CUX2: variants seen among roughly 807,000 people sequenced by gnomAD.
The protein encoded by CUX2 is cut like homeobox 2.
A neutral mutation model predicts 144.8 loss-of-function variants in CUX2; 40 were observed. The observed-to-expected ratio is 0.28, with a 90% confidence interval of 0.21 to 0.36. The LOEUF is 0.36. Ranked by LOEUF, CUX2 falls within the 10% of genes least tolerant of loss-of-function variation. CUX2 has a pLI of 1.00. For synonymous variants in CUX2, 827 were observed against 875.6 expected, an observed-to-expected ratio of 0.94 and a Z score of 0.98; for missense variants, 1,615 against 1,994.0, an observed-to-expected ratio of 0.81 and a Z score of 3.62.
In CUX2 at chr12:111,098,463, T is replaced by C. The variant is rs116585992; in HGVS notation, c.63+64223T>C. ...GAGGAGCTGCTGCAGTCATCGGCCT[T>C]GGCACCGGGGATTCCCGGGTACAGG... On this transcript the variant is annotated intron_variant, in intron 1 of 21. Coordinates refer to ENST00000261726, the MANE Select transcript of CUX2 (RefSeq NM_015267.4). Among the ~76,000 whole-genome samples the C allele has an allele frequency of 9.0e-3, 1,359 of 151,726 alleles. 22 individuals carry two copies. The highest frequency in any genetic ancestry group is 0.031 in the African/African-American group (1,271 of 41,354).
In CUX2 at chr12:111,034,538, C is replaced by G. The variant is rs1869319174; in HGVS notation, c.63+298C>G. On this transcript the variant is annotated intron_variant, in intron 1 of 21. Transcript: ENST00000261726. The surrounding 1 kb of genome is among the most constrained non-coding windows in gnomAD (Gnocchi z 4.2). The stretch of plus-strand genomic sequence containing the variant: ...GCGGCCGGGCGAGGAGCGGGGAAGG[C>G]AGGGGCTACGGCCTCGGGCAGGGGG... Among the ~76,000 whole-genome samples, 2 of 151,580 alleles carry G rather than the reference C, an allele frequency of 1.3e-5. No individual in the cohort carries two copies. Among genetic ancestry groups the G allele is most frequent in the Non-Finnish European group, 2.9e-5 (2 of 67,830 alleles).
chr12:111,056,247 A>G (rs1218597449), intron 1 of CUX2, among the ~76,000 whole-genome samples: 1 of 152,330 alleles, frequency 6.6e-6, no homozygotes, highest in Non-Finnish European at 1.5e-5. Flanking sequence ...CGCAGCAGTC[A>G]TTTGTTGCTG....
At chr12:111,298,863 G>T (rs1886147318) in intron 9 of CUX2, among the ~76,000 whole-genome samples, 2 of 152,154 alleles carry the variant, frequency 1.3e-5, no homozygotes, top group Admixed American at 1.3e-4. Flanking sequence ...AGGCAGGAAG[G>T]GGCCGCTGAC....
At chr12:111,123,209 G>T (rs1175013217) in intron 1 of CUX2, among the ~76,000 whole-genome samples, 2 of 152,178 alleles carry the variant, frequency 1.3e-5, no homozygotes, top group Non-Finnish European at 2.9e-5. Context: ...TTGAGACAGG[G>T]TCTCCCTCTG....
chr12:111,254,825 C>G (rs900280983), intron 3 of CUX2, among the ~76,000 whole-genome samples: 1 of 152,036 alleles, frequency 6.6e-6, no homozygotes, highest in South Asian at 2.1e-4. Context: ...TGGCCAAATG[C>G]GTTAATTCTG....
At chr12:111,087,698 T>C (rs1872320619) in intron 1 of CUX2, among the ~76,000 whole-genome samples, 1 of 152,252 alleles carries the variant, frequency 6.6e-6, no homozygotes, top group Non-Finnish European at 1.5e-5. Context: ...CTTTGTGTGC[T>C]GTCTCCTCAG....
At chr12:111,104,945 C>T (rs570768470) in intron 1 of CUX2, among the ~76,000 whole-genome samples, 2 of 152,220 alleles carry the variant, frequency 1.3e-5, no homozygotes, top group African/African-American at 4.8e-5. Context: ...CTGTGGCTCC[C>T]ATATTGGATG....
At chr12:111,151,277 C>T (rs1006469486) in intron 1 of CUX2, among the ~76,000 whole-genome samples, 8 of 152,102 alleles carry the variant, frequency 5.3e-5, no homozygotes, top group East Asian at 1.9e-4. Context: ...CGTTACCATG[C>T]GCTGTTATGA....
chr12:111,046,991 C>T (rs1371594779), intron 1 of CUX2, among the ~76,000 whole-genome samples: 2 of 152,224 alleles, frequency 1.3e-5, no homozygotes, highest in Admixed American at 1.3e-4. Flanking sequence ...CTGAAGATAC[C>T]TTGCCACTGT....
intron 1 of CUX2, among the ~76,000 whole-genome samples, chr12:111,055,472 C>T (rs1388484580): frequency 6.6e-6 from 1 of 152,284 alleles, no homozygotes; most frequent in Non-Finnish European, 1.5e-5. Flanking sequence ...GGGTTGGTCC[C>T]ACGGCCCTTG....
intron 1 of CUX2, among the ~76,000 whole-genome samples, chr12:111,191,305 T>TATTA (rs1735855452): frequency 1.4e-5 from 2 of 142,694 alleles, no homozygotes; most frequent in Admixed American, 6.9e-5. Context: ...CTTATTCTTT[T>TATTA]ATTATTTATT....
In CUX2 at chr12:111,304,351, G is replaced by C; in HGVS notation, c.858+37G>C. ...GTTGGGGAAGTGAGCAGGGAGGGCAGAGGGAAAGATCGGGAATGGCTGAGT... is the reference window on the plus strand; with the variant it reads ...GTTGGGGAAGTGAGCAGGGAGGGCACAGGGAAAGATCGGGAATGGCTGAGT... On this transcript the variant is annotated intron_variant, in intron 10 of 21. Transcript: ENST00000261726. This position sits in a 1 kb window ranked among gnomAD's most constrained non-coding sequence, Gnocchi z 4.7. 1 of 1,555,412 alleles carries C rather than the reference G, an allele frequency of 6.4e-7. No homozygotes were observed. The highest frequency in any genetic ancestry group is 8.8e-7 in the Non-Finnish European group (1 of 1,131,814).
intron 3 of CUX2, among the ~76,000 whole-genome samples, chr12:111,240,790 C>CT (rs1882982085): frequency 6.6e-6 from 1 of 152,162 alleles, no homozygotes; most frequent in South Asian, 2.1e-4. Context: ...TGTGAGGTTC[C>CT]TGAAGACATT....
At chr12:111,174,323 G>A (rs578206696) in intron 1 of CUX2, among the ~76,000 whole-genome samples, 1 of 152,186 alleles carries the variant, frequency 6.6e-6, no homozygotes, top group South Asian at 2.1e-4. Flanking sequence ...GGCACGGGAC[G>A]TGTCTGAATG....
intron 18 of CUX2, among the ~76,000 whole-genome samples, chr12:111,333,763 G>A (rs951421964): frequency 2.0e-5 from 3 of 152,128 alleles, no homozygotes; most frequent in African/African-American, 4.8e-5. Context: ...GGAGGCTGAC[G>A]CAGGAGAATC....
chr12:111,220,284 A>G (rs1236545306), intron 3 of CUX2, among the ~76,000 whole-genome samples: 1 of 152,204 alleles, frequency 6.6e-6, no homozygotes, highest in South Asian at 2.1e-4. Context: ...CCTCCAGTAC[A>G]GGTTTACTGG....
At chr12:111,198,555 A>G (rs910304036) in intron 1 of CUX2, among the ~76,000 whole-genome samples, 4 of 152,112 alleles carry the variant, frequency 2.6e-5, no homozygotes, top group African/African-American at 7.2e-5. Context: ...AACAAAACAG[A>G]CAAGAGTCCC....
intron 18 of CUX2, among the ~76,000 whole-genome samples, chr12:111,330,686 CATATATATATATATATATATATAT>C (rs57018141): frequency 0.028 from 1,642 of 59,152 alleles, 60 homozygotes; most frequent in Middle Eastern, 0.071. Context: ...AATACATATA[CATATATATATATATATATATATAT>C]ATATATATAT....
chr12:111,236,456 A>G (rs1882750354), intron 3 of CUX2, among the ~76,000 whole-genome samples: 1 of 152,226 alleles, frequency 6.6e-6, no homozygotes, highest in African/African-American at 2.4e-5. Context: ...CGTAAAGACC[A>G]GGCAGGTAGG....
Sources: allele counts gnomAD v4.1 joint callset (sites outside exome capture counted in the v4.1 genomes callset), GRCh38; gene constraint gnomAD v4.1.1; non-coding constraint Gnocchi (gnomAD v3.1); transcripts MANE v1.5; gene names NCBI Gene and HGNC (gene_info 2026-07-23, HGNC 2026-07-21).